The following PHF21B variants were observed in gnomAD, a reference collection of about 807,000 sequenced individuals.
The protein encoded by PHF21B is PHD finger protein 21B.
In PHF21B, 22 loss-of-function variants were observed where a neutral mutation model predicts 62.2. The observed-to-expected ratio is 0.35, with a 90% CI of 0.25 to 0.51. The LOEUF is 0.51. PHF21B is among the 20% of genes least tolerant of loss of function. The pLI is 0.97. For synonymous variants in PHF21B, 341 were observed against 314.7 expected (o/e 1.08, Z -0.88); for missense variants, 701 against 707.9 (o/e 0.99, Z 0.11).
intron 2 of PHF21B, among the ~76,000 whole-genome samples, chr22:44,958,079 T>C (rs2072338308): frequency 6.6e-6 from 1 of 152,192 alleles, no homozygotes; most frequent in Non-Finnish European, 1.5e-5. Context: ...ACTTTTTGTA[T>C]TTTTAATAGA....
chr22:44,885,633 TC>T, intron 11 of PHF21B, 104 bp from the exon 12 acceptor site: 1 of 1,207,024 alleles, frequency 8.3e-7, no homozygotes, highest in Non-Finnish European at 1.1e-6. Flanking sequence ...GCCTAGGACA[TC>T]CCCCTGAAGA....
rs150374509 is a variant in PHF21B, at chr22:44,988,674, G to T, written c.120+19871C>A. On this transcript the variant is annotated intron_variant, in intron 2 of 12. Transcript: ENST00000313237. ...GTAGGAAATATGAATGCCAGGGAAA[G>T]AAAAGTTTAATTGAGAAAGGTCTGC... Among the ~76,000 whole-genome samples the T allele has an allele frequency of 3.9e-5, 6 of 152,320 alleles. No homozygotes were observed. In the East Asian group the frequency reaches 9.6e-4, roughly 24 times the overall value.
chr22:44,901,608 T>C, intron 5 of PHF21B: 1 of 349,912 alleles, frequency 2.9e-6, no homozygotes, highest in Non-Finnish European at 5.1e-6. Flanking sequence ...AGAAGTTGGA[T>C]ACTGAGGAGA....
chr22:44,896,896 T>TTTTTTTTTTTG (rs2071070593), intron 5 of PHF21B, among the ~76,000 whole-genome samples: 1 of 147,192 alleles, frequency 6.8e-6, no homozygotes, highest in Non-Finnish European at 1.5e-5. Flanking sequence ...TTTTTTTTTT[T>TTTTTTTTTTTG]GAGACAGGTT....
At chr22:44,951,249 G>T (rs1490628502) in intron 2 of PHF21B, among the ~76,000 whole-genome samples, 1 of 152,216 alleles carries the variant, frequency 6.6e-6, no homozygotes, top group African/African-American at 2.4e-5. Context: ...CTCCACCGCA[G>T]ATCATCGGGC....
At position 44,902,730 on chromosome 22, in the gene PHF21B, T is replaced by A. The variant is rs188982417; in HGVS notation, c.832-6647A>T. Among the ~76,000 whole-genome samples, 97 of 152,322 alleles carry A rather than the reference T, an allele frequency of 6.4e-4. 1 individual carries two copies. The East Asian group carries it at 0.016, about 25-fold the overall frequency. ...GCTGATTGTTTCATTAAGTTTTTTTTAAAAAATCACAGCAGGATATCAATT... is the reference window on the plus strand; with the variant it reads ...GCTGATTGTTTCATTAAGTTTTTTTAAAAAAATCACAGCAGGATATCAATT... On this transcript the variant is annotated intron_variant, in intron 5 of 12. Coordinates refer to ENST00000313237, the MANE Select transcript of PHF21B (RefSeq NM_138415.5).
At chr22:44,935,501 C>A (rs548760810) in intron 2 of PHF21B, among the ~76,000 whole-genome samples, 1 of 152,176 alleles carries the variant, frequency 6.6e-6, no homozygotes, top group Non-Finnish European at 1.5e-5. Flanking sequence ...GTAGTCCCAG[C>A]TGCTCGGGAG....
intron 2 of PHF21B, among the ~76,000 whole-genome samples, chr22:44,961,885 TA>T (rs917796340): frequency 1.5e-4 from 22 of 151,020 alleles, no homozygotes; most frequent in Non-Finnish European, 2.7e-4. Context: ...AATAAATAAA[TA>T]AATAAATAAG....
chr22:44,893,535 TG>T lies in PHF21B; in HGVS notation c.884-3del. The T allele has an allele frequency of 6.3e-7, 1 of 1,597,380 alleles. No individual in the cohort carries two copies. Among genetic ancestry groups the T allele is most frequent in the Non-Finnish European group, 8.5e-7 (1 of 1,171,806 alleles). On this transcript the variant is annotated splice_region_variant and splice_polypyrimidine_tract_variant and intron_variant, in intron 6 of 12. Transcript: ENST00000313237. ...GCTCCTGTCGCTTGCTCTGGATTTCTGGAAAGGCACAGACACAGCAGTTACT... is the reference window on the plus strand; with the variant it reads ...GCTCCTGTCGCTTGCTCTGGATTTCTGAAAGGCACAGACACAGCAGTTACT...
chr22:44,998,417 T>G (rs1042688590), intron 2 of PHF21B, among the ~76,000 whole-genome samples: 3 of 152,178 alleles, frequency 2.0e-5, no homozygotes, highest in African/African-American at 7.2e-5. Context: ...AGCGCAGTGA[T>G]CAGAAGACCT....
At chr22:44,995,157 T>C (rs2073100118) in intron 2 of PHF21B, among the ~76,000 whole-genome samples, 1 of 152,230 alleles carries the variant, frequency 6.6e-6, no homozygotes, top group Non-Finnish European at 1.5e-5. Context: ...GATGAATTAC[T>C]GTACAGCAAG....
chr22:44,938,812 A>T (rs2071899451), intron 2 of PHF21B, among the ~76,000 whole-genome samples: 1 of 152,222 alleles, frequency 6.6e-6, no homozygotes, highest in African/African-American at 2.4e-5. Context: ...GGCACTGAAT[A>T]TGGGGCAGGA....
chr22:44,935,396 C>T (rs1203614704), intron 2 of PHF21B, among the ~76,000 whole-genome samples: 3 of 152,086 alleles, frequency 2.0e-5, no homozygotes, highest in African/African-American at 4.8e-5. Context: ...GGGCGGATCA[C>T]GAGGTCAGGA....
At chr22:45,000,118 C>T (rs1012712876) in intron 2 of PHF21B, among the ~76,000 whole-genome samples, 8 of 152,032 alleles carry the variant, frequency 5.3e-5, no homozygotes, top group African/African-American at 9.7e-5. Flanking sequence ...AGGATGGAGC[C>T]GGGATTGGAA....
chr22:45,004,035 G>A (rs1793200995), intron 2 of PHF21B, among the ~76,000 whole-genome samples: 1 of 151,978 alleles, frequency 6.6e-6, no homozygotes, highest in South Asian at 2.1e-4. Context: ...CCCAGAACAG[G>A]CAACTCTAGA....
intron 4 of PHF21B, among the ~76,000 whole-genome samples, chr22:44,914,468 C>T (rs757969632): frequency 2.0e-5 from 3 of 152,202 alleles, no homozygotes; most frequent in South Asian, 2.1e-4. Context: ...ACTCAGGCGG[C>T]GAGGACTTCT....
chr22:44,935,470 C>T (rs530688602), intron 2 of PHF21B, among the ~76,000 whole-genome samples: 6 of 152,182 alleles, frequency 3.9e-5, no homozygotes, highest in East Asian at 3.9e-4. Context: ...AAAAATTAGC[C>T]GGGCGTGGTG....
chr22:45,009,339 G>C lies in PHF21B; in HGVS notation c.54+157C>G. On this transcript the variant is annotated intron_variant, in intron 1 of 12. Coordinates refer to ENST00000313237, the MANE Select transcript of PHF21B (RefSeq NM_138415.5). The surrounding 1 kb of genome is among the most constrained non-coding windows in gnomAD (Gnocchi z 5.9). Reference sequence around the variant, plus strand: ...CAGGCGGAGGGGAGCCCAGAAGGGGGTCCGCGCGTGTGCTCACTCCCTCGC... The same window carrying C: ...CAGGCGGAGGGGAGCCCAGAAGGGGCTCCGCGCGTGTGCTCACTCCCTCGC... The C allele has an allele frequency of 1.3e-6, 1 of 741,826 alleles. No homozygotes were observed. The highest frequency in any genetic ancestry group is 2.1e-6 in the Non-Finnish European group (1 of 478,782). 46.0% of individuals were successfully genotyped at this position (741,826 alleles called of 1,614,324 possible). A position where few individuals can be genotyped will look rare whatever the true frequency, so the allele number is the denominator to read the frequency against.
rs185934004 is a variant in PHF21B at position 44,904,266 on chromosome 22, T to C, written c.832-8183A>G. On this transcript the variant is annotated intron_variant, in intron 5 of 12. Coordinates refer to ENST00000313237, the MANE Select transcript of PHF21B (RefSeq NM_138415.5). ...ATTGTTTCCTAGAATTTTCCTTTTA[T>C]CTGCTTTGTAAAACAAAACTGGATT... Among the ~76,000 whole-genome samples the C allele has an allele frequency of 7.9e-5, 12 of 152,094 alleles. No individual in the cohort carries two copies. The East Asian group carries it at 2.1e-3, about 27-fold the overall frequency.
Sources: allele counts gnomAD v4.1 joint callset (sites outside exome capture counted in the v4.1 genomes callset), GRCh38; gene constraint gnomAD v4.1.1; non-coding constraint Gnocchi (gnomAD v3.1); transcripts MANE v1.5; gene names NCBI Gene and HGNC (gene_info 2026-07-23, HGNC 2026-07-21).